LRCH1: variants seen among roughly 807,000 people sequenced by gnomAD.
The protein encoded by LRCH1 is leucine-rich repeat and calponin homology domain-containing protein 1.
LRCH1 carries 23 observed loss-of-function variants against 94.9 expected under a neutral mutation model. That is an observed-to-expected ratio of 0.24 (90% CI 0.17 to 0.34). The LOEUF (loss-of-function observed/expected upper bound fraction) is 0.34. LRCH1 is among the 10% of genes least tolerant of loss of function. The pLI is 1.00. For missense variants in LRCH1, 790 were observed against 945.9 expected (o/e 0.84, Z 2.16); for synonymous variants, 364 against 354.9 (o/e 1.03, Z -0.29).
chr13:46,630,353 C>T (rs1215363313), intron 1 of LRCH1, among the ~76,000 whole-genome samples: 6 of 152,134 alleles, frequency 3.9e-5, no homozygotes, highest in East Asian at 1.9e-4. Flanking sequence ...TCCAAAATTA[C>T]GGAAGGTTAT....
rs183016955 is a variant in LRCH1, at chr13:46,705,311, C to T, written c.1527+7C>T. The T allele has an allele frequency of 6.2e-7, 1 of 1,612,766 alleles. No homozygotes were observed. The highest frequency in any genetic ancestry group is 8.5e-7 in the Non-Finnish European group (1 of 1,178,962). The stretch of plus-strand genomic sequence containing the variant: ...GACATCTCCGGTGTGTGAGGTAAGG[C>T]TGCTGGTAGATTCACCAGAACTCTG... On this transcript the variant is annotated splice_region_variant and intron_variant, in intron 13 of 19. Transcript: ENST00000389797.
At chr13:46,592,056 A>C (rs2050505869) in intron 1 of LRCH1, among the ~76,000 whole-genome samples, 1 of 152,218 alleles carries the variant, frequency 6.6e-6, no homozygotes, top group Non-Finnish European at 1.5e-5. Context: ...CCAGCAACGC[A>C]TTCCGTAGCT....
At chr13:46,647,389 T>TC (rs2051236112) in intron 1 of LRCH1, among the ~76,000 whole-genome samples, 1 of 152,188 alleles carries the variant, frequency 6.6e-6, no homozygotes, top group Non-Finnish European at 1.5e-5. Flanking sequence ...ATCCTTTTTT[T>TC]CATATGATTA....
chr13:46,553,846 C>A lies in LRCH1; in HGVS notation c.307+143C>A, dbSNP rs187985278. ...GGCCCGTTGTCTCCCGAAGAAGGGA[C>A]TCGCGTGGGCGCGGAAGAAGCGGGC... is the stretch of plus-strand genomic sequence containing the variant. On this transcript the variant is annotated intron_variant, in intron 1 of 19. Transcript: ENST00000389797. 7.8e-4 allele frequency: 1,154 copies of A among 1,471,656 alleles called. 8 individuals are homozygous for A. The African/African-American group carries it at 0.013, about 17-fold the overall frequency. 91.2% of individuals were successfully genotyped at this position (1,471,656 alleles called of 1,614,324 possible).
chr13:46,751,032 G>A (rs2794663), exon 19 of LRCH1: 3,802 of 154,656 alleles, frequency 0.025, 153 homozygotes, highest in African/African-American at 0.085. Context: ...ATTTAGTGGG[G>A]GGAGGGGGGC....
intron 14 of LRCH1, 94 bp from the exon 15 acceptor site, chr13:46,712,431 G>A: frequency 2.0e-6 from 2 of 987,990 alleles, no homozygotes; most frequent in Non-Finnish European, 3.1e-6. Context: ...AAAGGGAGTA[G>A]TTTTGTTACA....
chr13:46,678,492 A>G lies in LRCH1; in HGVS notation c.580-3249A>G, dbSNP rs540138114. Among the ~76,000 whole-genome samples, 16 of 152,290 alleles carry G rather than the reference A, an allele frequency of 1.1e-4. No homozygotes were observed. The East Asian group carries it at 3.1e-3, about 29-fold the overall frequency. Reference sequence around the variant, plus strand: ...CGTTTTCCCCCCATTATTTGTCAGGACAGGAAGTAATTGACAACAGTGCAG... The same window carrying G: ...CGTTTTCCCCCCATTATTTGTCAGGGCAGGAAGTAATTGACAACAGTGCAG... On this transcript the variant is annotated intron_variant, in intron 3 of 19. Coordinates refer to ENST00000389797, the MANE Select transcript of LRCH1 (RefSeq NM_001164211.2).
chr13:46,600,618 TACACACACACACACAC>T lies in LRCH1; in HGVS notation c.307+46937_307+46952del, dbSNP rs3068695. Among the ~76,000 whole-genome samples, 12 of 143,276 alleles carry T rather than the reference TACACACACACACACAC, an allele frequency of 8.4e-5. No individual in the cohort carries two copies. The East Asian group carries it at 1.6e-3, about 20-fold the overall frequency. The allele number at this position is 143,276 out of a possible 152,430, so 94.0% of individuals were successfully genotyped here. ...AGTTTTTTTACATCCTGACCAGATT[TACACACACACACACAC>T]ACACACACACACACACACACAGAAC... is the stretch of plus-strand genomic sequence containing the variant. On this transcript the variant is annotated intron_variant, in intron 1 of 19. Transcript: ENST00000389797.
In LRCH1 at chr13:46,743,737, A is replaced by G; in HGVS notation, c.*1889A>G. ...CTTCTTTCTGGGGAGAAAATGGGAA[A>G]AAAAAAAAGAAAACTTACTGGGTTG... On this transcript the variant is annotated 3_prime_UTR_variant, in exon 20 of 20. Coordinates refer to ENST00000389797, the MANE Select transcript of LRCH1 (RefSeq NM_001164211.2). 1.0e-6 allele frequency: 1 copy of G among 983,334 alleles called. No homozygotes were observed. The allele number at this position is 983,334 out of a possible 1,614,324, so 60.9% of individuals were successfully genotyped here.
intron 17 of LRCH1, among the ~76,000 whole-genome samples, chr13:46,723,668 C>T (rs189459328): frequency 3.3e-4 from 50 of 152,100 alleles, no homozygotes; most frequent in African/African-American, 1.2e-3. Context: ...GGCGTGGTGG[C>T]GTATGCCTGT....
intron 1 of LRCH1, among the ~76,000 whole-genome samples, chr13:46,635,958 T>C (rs2051082385): frequency 1.3e-5 from 2 of 152,060 alleles, no homozygotes; most frequent in Admixed American, 1.3e-4. Context: ...GAACTCATTA[T>C]AACTTATTCC....
At chr13:46,640,905 C>G (rs1267946903) in intron 1 of LRCH1, among the ~76,000 whole-genome samples, 1 of 152,198 alleles carries the variant, frequency 6.6e-6, no homozygotes. Flanking sequence ...GACCTGACTT[C>G]TTTGTTGATC....
At chr13:46,558,011 T>A (rs1437768410) in intron 1 of LRCH1, among the ~76,000 whole-genome samples, 1 of 152,174 alleles carries the variant, frequency 6.6e-6, no homozygotes, top group Non-Finnish European at 1.5e-5. Flanking sequence ...CACTCCAGCC[T>A]ACGTGACAGA....
intron 1 of LRCH1, among the ~76,000 whole-genome samples, chr13:46,588,853 T>G: frequency 6.6e-6 from 1 of 152,112 alleles, no homozygotes; most frequent in Middle Eastern, 3.2e-3. Context: ...TCTGCCTGCC[T>G]TGGCCTCCCA....
chr13:46,562,626 G>A lies in LRCH1; in HGVS notation c.307+8923G>A, dbSNP rs1385363428. The stretch of plus-strand genomic sequence containing the variant: ...GGGGTTAGTGCTTCCATTACTTTTG[G>A]GGGTCATAATTCAGCCCATAACGCC... On this transcript the variant is annotated intron_variant, in intron 1 of 19. Transcript: ENST00000389797. Among the ~76,000 whole-genome samples the A allele has an allele frequency of 2.6e-5, 4 of 152,092 alleles. No individual in the cohort carries two copies. In the East Asian group the frequency reaches 7.7e-4, roughly 29 times the overall value.
intron 1 of LRCH1, among the ~76,000 whole-genome samples, chr13:46,623,896 T>C (rs1421592438): frequency 7.0e-6 from 1 of 143,474 alleles, no homozygotes; most frequent in Non-Finnish European, 1.5e-5. Flanking sequence ...TATTTATTTA[T>C]CGTTAGAGAC....
At chr13:46,582,489 G>GTT (rs11385400) in intron 1 of LRCH1, among the ~76,000 whole-genome samples, 1,681 of 132,490 alleles carry the variant, frequency 0.013, 38 homozygotes, top group East Asian at 0.079. Flanking sequence ...TGAACATATT[G>GTT]TTTTTTTTTT....
chr13:46,702,114 C>A (rs77715274), intron 11 of LRCH1, among the ~76,000 whole-genome samples: 1,670 of 152,324 alleles, frequency 0.011, 17 homozygotes, highest in Middle Eastern at 0.024. Flanking sequence ...ATGGGAAGAT[C>A]TGCAGTGTGC....
intron 17 of LRCH1, among the ~76,000 whole-genome samples, chr13:46,728,220 G>C (rs1872924569): frequency 6.6e-6 from 1 of 151,688 alleles, no homozygotes; most frequent in African/African-American, 2.4e-5. Context: ...CCTGGCCTAA[G>C]AGGAAAGCAT....
Sources: allele counts gnomAD v4.1 joint callset (sites outside exome capture counted in the v4.1 genomes callset), GRCh38; gene constraint gnomAD v4.1.1; transcripts MANE v1.5; gene names NCBI Gene and HGNC (gene_info 2026-07-23, HGNC 2026-07-21).